Variants in DOCK8 observed in about 807,000 individuals in gnomAD.
DOCK8 encodes dedicator of cytokinesis protein 8.
A neutral mutation model predicts 245.6 loss-of-function variants in DOCK8; 141 were observed. The observed-to-expected ratio is 0.57, with a 90% CI of 0.50 to 0.66. DOCK8 has a LOEUF of 0.66. Among genes scored for constraint, DOCK8 ranks in the 30% least tolerant of loss-of-function variants. DOCK8 has a pLI of 0.00. For missense variants in DOCK8, 2,965 were observed against 2,603.4 expected, an observed-to-expected ratio of 1.14 and a Z score of -3.02; for synonymous variants, 1,168 against 970.2, an observed-to-expected ratio of 1.20 and a Z score of -3.79.
Position 390,512 on chromosome 9 carries a change from C to A in DOCK8, c.2916C>A (p.Thr972=), listed in dbSNP as rs2297075. 9.9e-6 allele frequency: 16 copies of A among 1,613,854 alleles called. No homozygotes were observed. Among genetic ancestry groups the A allele is most frequent in the Non-Finnish European group, 1.3e-5 (15 of 1,179,942 alleles). The change falls in exon 24 of 48, where the codon ACC becomes ACA. Residue 972 remains threonine (T), a synonymous_variant. Coordinates refer to ENST00000432829, the MANE Select transcript of DOCK8 (RefSeq NM_203447.4). ...EELALQMVVS[T]GMVRETVFKY... is the part of the protein sequence containing the mutation. ...TTGCCCTTCAGATGGTGGTCAGCAC[C>A]GGAATGGTGAGAGAAACAGTCTTCA...
chr9:274,434 G>A lies in DOCK8; in HGVS notation c.156+2705G>A, dbSNP rs78515092. 2.5e-3 allele frequency among the ~76,000 whole-genome samples: 375 copies of A among 151,246 alleles called. 2 individuals are homozygous for A. The highest frequency in any genetic ancestry group is 4.3e-3 in the Non-Finnish European group (292 of 67,918). ...CTCTTGTTCCTTCTACCTGGAGAAC[G>A]GAGGCATGTGGAAGCCCAGAGGATT... On this transcript the variant is annotated intron_variant, in intron 2 of 47. Transcript: ENST00000432829.
chr9:292,125 C>T (rs958421038), intron 4 of DOCK8, among the ~76,000 whole-genome samples: 1 of 145,560 alleles, frequency 6.9e-6, no homozygotes, highest in African/African-American at 2.5e-5. Context: ...AATCCCAGCA[C>T]TTTGGGAGGC....
At chr9:454,662 A>ATACAATT (rs1481023002) in intron 46 of DOCK8, 1 of 152,246 alleles carries the variant, frequency 6.6e-6, no homozygotes, top group Non-Finnish European at 1.5e-5. Context: ...GAGGCTCTGA[A>ATACAATT]TACAATTTAA....
intron 13 of DOCK8, among the ~76,000 whole-genome samples, chr9:339,667 A>G (rs953173998): frequency 6.6e-6 from 1 of 152,172 alleles, no homozygotes; most frequent in African/African-American, 2.4e-5. Context: ...GGTGCCTGCC[A>G]CCACGCCCAG....
At chr9:233,667 C>T (rs2047175604) in intron 1 of DOCK8, among the ~76,000 whole-genome samples, 1 of 152,252 alleles carries the variant, frequency 6.6e-6, no homozygotes, top group Non-Finnish European at 1.5e-5. Flanking sequence ...TTCTTTGTCT[C>T]TTTTGATCTT....
At chr9:278,476 C>A (rs937688757) in intron 2 of DOCK8, among the ~76,000 whole-genome samples, 8 of 152,330 alleles carry the variant, frequency 5.3e-5, no homozygotes, top group Middle Eastern at 3.4e-3. Context: ...AATAGAGGGC[C>A]TATCCTCATA....
intron 24 of DOCK8, among the ~76,000 whole-genome samples, chr9:391,383 A>G (rs1324385740): frequency 1.3e-5 from 2 of 151,988 alleles, no homozygotes; most frequent in African/African-American, 4.8e-5. Context: ...TCTCTTGTGT[A>G]TTATCCCATC....
At position 247,222 on chromosome 9, in the gene DOCK8, T is replaced by A; in HGVS notation, c.54-24405T>A. ...ACACAGAAAGAAATGTGTTTCCTTA[T>A]TTATCATACTATTAATTTGAATGTG... On this transcript the variant is annotated intron_variant, in intron 1 of 47. Coordinates refer to ENST00000432829, the MANE Select transcript of DOCK8 (RefSeq NM_203447.4). Among the ~76,000 whole-genome samples, 2 of 152,240 alleles carry A rather than the reference T, an allele frequency of 1.3e-5. 1 individual carries two copies.
chr9:416,079 T>G (rs973978085), intron 29 of DOCK8, among the ~76,000 whole-genome samples: 1 of 152,140 alleles, frequency 6.6e-6, no homozygotes, highest in Non-Finnish European at 1.5e-5. Flanking sequence ...AAACTGCTAA[T>G]GGAGTAACTC....
At chr9:440,159 C>A (rs932236976) in intron 40 of DOCK8, among the ~76,000 whole-genome samples, 6 of 152,084 alleles carry the variant, frequency 3.9e-5, no homozygotes, top group Non-Finnish European at 8.8e-5. Flanking sequence ...GCTGGGATTA[C>A]AGGTGTGCAC....
intron 14 of DOCK8, among the ~76,000 whole-genome samples, chr9:362,844 A>G (rs2052792974): frequency 6.6e-6 from 1 of 152,192 alleles, no homozygotes; most frequent in Non-Finnish European, 1.5e-5. Flanking sequence ...AACTTGGGAG[A>G]AGCCAAAGTG....
intron 37 of DOCK8, among the ~76,000 whole-genome samples, chr9:433,299 G>A (rs999758798): frequency 1.3e-5 from 2 of 152,228 alleles, no homozygotes; most frequent in African/African-American, 4.8e-5. Flanking sequence ...TGGCAGAGGG[G>A]AACGGGGATA....
chr9:334,385 G>C lies in DOCK8; in HGVS notation c.1285+1G>C. 6.2e-7 allele frequency: 1 copy of C among 1,612,030 alleles called. No individual in the cohort carries two copies. The highest frequency in any genetic ancestry group is 8.5e-7 in the Non-Finnish European group (1 of 1,178,436). On this transcript the variant is annotated splice_donor_variant, in intron 11 of 47. Transcript: ENST00000432829. LOFTEE classifies it high-confidence loss of function. ...GTAACTGATGTGGACTCTGTGGTTG[G>C]TAAGATTTTCACCTGCAGTGGGAAA...
intron 1 of DOCK8, among the ~76,000 whole-genome samples, chr9:227,994 C>T (rs1563822927): frequency 6.6e-6 from 1 of 152,088 alleles, no homozygotes. Flanking sequence ...TGAAGGTGGT[C>T]ATTGAAAACC....
At chr9:282,624 T>A (rs1033660875) in intron 2 of DOCK8, among the ~76,000 whole-genome samples, 27 of 152,120 alleles carry the variant, frequency 1.8e-4, no homozygotes, top group Admixed American at 1.6e-3. Flanking sequence ...GAGTCTCACT[T>A]TTTTGCCCAG....
At chr9:313,271 G>A (rs1563911677) in intron 6 of DOCK8, among the ~76,000 whole-genome samples, 1 of 152,236 alleles carries the variant, frequency 6.6e-6, no homozygotes. Context: ...GCACGCTTCT[G>A]CTGAGATAAT....
rs150843217 is a variant in DOCK8, at chr9:249,649, C to G, written c.54-21978C>G. 5.7e-3 allele frequency among the ~76,000 whole-genome samples: 869 copies of G among 152,022 alleles called. 6 individuals are homozygous for G. The highest frequency in any genetic ancestry group is 0.019 in the African/African-American group (791 of 41,458). ...TTATTTTTTGAGACGGAGTCTCGCC[C>G]TGTTGCCCAGGCTGGAGTGGTGCAG... On this transcript the variant is annotated intron_variant, in intron 1 of 47. Coordinates refer to ENST00000432829, the MANE Select transcript of DOCK8 (RefSeq NM_203447.4).
intron 26 of DOCK8, among the ~76,000 whole-genome samples, chr9:403,861 T>TCTCTGTCTCTCTGC (rs1306095923): frequency 1.8e-5 from 1 of 56,916 alleles, no homozygotes; most frequent in Non-Finnish European, 2.8e-5. Context: ...ACTCTGTATC[T>TCTCTGTCTCTCTGC]CTCTCTCTCT....
At chr9:404,191 T>C (rs1419774857) in intron 26 of DOCK8, among the ~76,000 whole-genome samples, 1 of 151,818 alleles carries the variant, frequency 6.6e-6, no homozygotes, top group Non-Finnish European at 1.5e-5. Flanking sequence ...CCTCTGAGTC[T>C]GGGTCTTTCA....
Sources: gnomAD v4.1 joint callset for allele counts (sites outside exome capture counted in the v4.1 genomes callset) on GRCh38, gnomAD v4.1.1 for gene constraint, MANE v1.5 for transcripts, NCBI Gene and HGNC (gene_info 2026-07-23, HGNC 2026-07-21) for gene names.